Variants in SLC6A17 observed in about 807,000 individuals in gnomAD.
The protein encoded by SLC6A17 is sodium-dependent neutral amino acid transporter SLC6A17.
A neutral mutation model predicts 64.5 loss-of-function variants in SLC6A17; 21 were observed. The ratio of observed to expected loss-of-function variants is 0.33; its 90% CI spans 0.23 to 0.47. The LOEUF (loss-of-function observed/expected upper bound fraction) is 0.47, where lower values mean the gene tolerates loss of function less well. SLC6A17 is among the 20% of genes least tolerant of loss of function. The pLI, the probability that SLC6A17 is intolerant of heterozygous loss-of-function variation, is 1.00. For missense variants in SLC6A17, 682 were observed against 963.2 expected, an observed-to-expected ratio of 0.71 and a Z score of 3.86; for synonymous variants, 372 against 399.5, an observed-to-expected ratio of 0.93 and a Z score of 0.82.
chr1:110,176,996 G>T (rs1656393940), intron 6 of SLC6A17, among the ~76,000 whole-genome samples: 1 of 152,202 alleles, frequency 6.6e-6, no homozygotes, highest in Non-Finnish European at 1.5e-5. Context: ...GAGCCTTAGG[G>T]AGCAGGTAGG....
chr1:110,196,079 C>T (rs940496690), intron 10 of SLC6A17, among the ~76,000 whole-genome samples: 13 of 152,266 alleles, frequency 8.5e-5, no homozygotes, highest in East Asian at 3.9e-4. Context: ...CCTCCAAGAA[C>T]GTGTAGACTT....
chr1:110,168,897 A>G (rs529814853), intron 2 of SLC6A17, among the ~76,000 whole-genome samples: 1 of 152,330 alleles, frequency 6.6e-6, no homozygotes, highest in East Asian at 1.9e-4. Flanking sequence ...ACTACCCTAG[A>G]GGAAAAGCAT....
In SLC6A17 at chr1:110,200,757, T is replaced by C. The variant is rs1657104218; in HGVS notation, c.*2313T>C. On this transcript the variant is annotated 3_prime_UTR_variant, in exon 12 of 12. Coordinates refer to ENST00000331565, the MANE Select transcript of SLC6A17 (RefSeq NM_001010898.4). ...CTGTGTCTTCGCTGTGTGTTAGACGTAGGGCCTAGAGCTCGGGGTGTGTGT... is the reference window on the plus strand; with the variant it reads ...CTGTGTCTTCGCTGTGTGTTAGACGCAGGGCCTAGAGCTCGGGGTGTGTGT... The C allele has an allele frequency of 6.6e-6, 1 of 152,618 alleles. No homozygotes were observed. The highest frequency in any genetic ancestry group is 2.1e-4 in the South Asian group (1 of 4,844). The allele number at this position is 152,618 out of a possible 1,614,324, so 9.5% of individuals were successfully genotyped here. A position where few individuals can be genotyped will look rare whatever the true frequency, so the allele number is the denominator to read the frequency against.
intron 1 of SLC6A17, among the ~76,000 whole-genome samples, chr1:110,152,067 A>C (rs576114189): frequency 6.6e-6 from 1 of 152,286 alleles, no homozygotes; most frequent in Admixed American, 6.5e-5. Flanking sequence ...ACGCTCACTG[A>C]TGTCTGGAGA....
chr1:110,198,554 A>G lies in SLC6A17; in HGVS notation c.*110A>G. 6.7e-7 allele frequency: 1 copy of G among 1,496,990 alleles called. No individual in the cohort carries two copies. Among genetic ancestry groups the G allele is most frequent in the South Asian group, 1.3e-5 (1 of 74,332 alleles). The allele number at this position is 1,496,990 out of a possible 1,614,324, so 92.7% of individuals were successfully genotyped here. On this transcript the variant is annotated 3_prime_UTR_variant, in exon 12 of 12. Transcript: ENST00000331565. ...CAGGCCCAGGCCAGGCCCTTTGCCC[A>G]AGAAGAGAGGGTCTGCCCTGCCTCA... is the stretch of plus-strand genomic sequence containing the variant.
intron 8 of SLC6A17, among the ~76,000 whole-genome samples, chr1:110,193,786 A>T (rs1168344677): frequency 1.3e-5 from 2 of 152,242 alleles, no homozygotes; most frequent in African/African-American, 4.8e-5. Context: ...CTCAGTTCTC[A>T]TGGGCATGGC....
In SLC6A17 at chr1:110,184,492, C is replaced by T. The variant is rs555637520; in HGVS notation, c.865-7480C>T. 2.6e-5 allele frequency among the ~76,000 whole-genome samples: 4 copies of T among 152,322 alleles called. No individual in the cohort carries two copies. In the South Asian group the frequency reaches 8.3e-4, roughly 32 times the overall value. ...TGCATATATAAACCCATTTAAACCTCCTAACAACCCTGGAGAGGTCGGTAC... is the reference window on the plus strand; with the variant it reads ...TGCATATATAAACCCATTTAAACCTTCTAACAACCCTGGAGAGGTCGGTAC... On this transcript the variant is annotated intron_variant, in intron 6 of 11. Coordinates refer to ENST00000331565, the MANE Select transcript of SLC6A17 (RefSeq NM_001010898.4).
intron 6 of SLC6A17, among the ~76,000 whole-genome samples, chr1:110,191,676 T>C (rs1656826974): frequency 6.6e-6 from 1 of 152,248 alleles, no homozygotes. Context: ...TGTTCCTTAG[T>C]ATGATGGCTG....
At chr1:110,163,599 A>G (rs1332208980) in intron 1 of SLC6A17, among the ~76,000 whole-genome samples, 1 of 152,118 alleles carries the variant, frequency 6.6e-6, no homozygotes, top group African/African-American at 2.4e-5. Context: ...CGCTCACATA[A>G]TTAAAGTGCC....
chr1:110,183,129 C>T (rs1428846350), intron 6 of SLC6A17, among the ~76,000 whole-genome samples: 2 of 152,102 alleles, frequency 1.3e-5, no homozygotes, highest in African/African-American at 4.8e-5. Flanking sequence ...GGCACATATC[C>T]AAGAGAACTG....
chr1:110,187,912 T>C (rs886587261), intron 6 of SLC6A17, among the ~76,000 whole-genome samples: 3 of 152,368 alleles, frequency 2.0e-5, no homozygotes, highest in Non-Finnish European at 4.4e-5. Flanking sequence ...AGATTTCTAC[T>C]AGGCACAGTA....
Position 110,156,353 on chromosome 1 carries a change from G to A in SLC6A17, c.-88+5470G>A, listed in dbSNP as rs1178729321. On this transcript the variant is annotated intron_variant, in intron 1 of 11. Transcript: ENST00000331565. Reference sequence around the variant, plus strand: ...TGCACTGCAGAACTTCCCAACCAGTGCCACAGATGGGTAGCATGTGGCCCA... The same window carrying A: ...TGCACTGCAGAACTTCCCAACCAGTACCACAGATGGGTAGCATGTGGCCCA... Among the ~76,000 whole-genome samples the A allele has an allele frequency of 6.6e-5, 10 of 152,288 alleles. No individual in the cohort carries two copies. In the South Asian group the frequency reaches 2.1e-3, roughly 32 times the overall value.
chr1:110,189,856 A>G (rs1181485561), intron 6 of SLC6A17, among the ~76,000 whole-genome samples: 2 of 152,178 alleles, frequency 1.3e-5, no homozygotes, highest in Non-Finnish European at 2.9e-5. Flanking sequence ...TTCTTCTGGG[A>G]AGCCTTGCCT....
chr1:110,198,119 T>C lies in SLC6A17; in HGVS notation c.1859T>C (p.Leu620Pro). The change falls in exon 12 of 12, where the codon CTC becomes CCC. Residue 620 changes from leucine to proline, a missense_variant. Physicochemically the swap from Leu to Pro is moderately conservative, Grantham distance 98. This residue lies in a region of SLC6A17 where 264 missense variants were observed against 339.5 expected (regional missense o/e 0.78). Transcript: ENST00000331565. ...TATTTCCCCAACTGGGCCATGGCAC[T>C]CCTGATCACCCTCATCGTCGTGGCG... ...YLYFPNWAMA[L>P]LITLIVVATL... The C allele has an allele frequency of 6.2e-7, 1 of 1,613,982 alleles. No homozygotes were observed. The highest frequency in any genetic ancestry group is 8.5e-7 in the Non-Finnish European group (1 of 1,179,982).
intron 1 of SLC6A17, among the ~76,000 whole-genome samples, chr1:110,153,581 A>G (rs12742838): frequency 0.35 from 51,306 of 147,786 alleles, 10,778 homozygotes; most frequent in Non-Finnish European, 0.47. Context: ...TCTGTAGCCA[A>G]TGCCCTCCCC....
At chr1:110,169,968 G>A (rs540357144) in intron 2 of SLC6A17, among the ~76,000 whole-genome samples, 3 of 152,288 alleles carry the variant, frequency 2.0e-5, no homozygotes, top group Admixed American at 2.0e-4. Context: ...AGGGCCTGGC[G>A]GCCTGCCTGA....
chr1:110,165,654 C>G (rs1656028647), intron 1 of SLC6A17, among the ~76,000 whole-genome samples: 2 of 152,182 alleles, frequency 1.3e-5, no homozygotes, highest in Admixed American at 6.5e-5. Flanking sequence ...TGGGGTCAGC[C>G]AGGATGTCTG....
In SLC6A17 at chr1:110,198,531, G is replaced by C. The variant is rs1420235822; in HGVS notation, c.*87G>C. The C allele has an allele frequency of 9.9e-6, 15 of 1,520,670 alleles. No homozygotes were observed. Among genetic ancestry groups the C allele is most frequent in the Non-Finnish European group, 1.3e-5 (15 of 1,140,200 alleles). The allele number at this position is 1,520,670 out of a possible 1,614,324, so 94.2% of individuals were successfully genotyped here. A position where few individuals can be genotyped will look rare whatever the true frequency, so the allele number is the denominator to read the frequency against. On this transcript the variant is annotated 3_prime_UTR_variant, in exon 12 of 12. Coordinates refer to ENST00000331565, the MANE Select transcript of SLC6A17 (RefSeq NM_001010898.4). ...GGCCTCTTTCTTGAGGTGGCCACCA[G>C]GCCCAGGCCAGGCCCTTTGCCCAAG...
intron 1 of SLC6A17, among the ~76,000 whole-genome samples, chr1:110,154,123 A>G (rs1266977890): frequency 6.6e-6 from 1 of 152,226 alleles, no homozygotes; most frequent in Non-Finnish European, 1.5e-5. Flanking sequence ...GATAATATCC[A>G]GTTGCTTATT....
Sources: allele counts gnomAD v4.1 joint callset (sites outside exome capture counted in the v4.1 genomes callset), GRCh38; gene constraint gnomAD v4.1.1; regional missense constraint gnomAD v4.1.1; transcripts MANE v1.5; gene names NCBI Gene and HGNC (gene_info 2026-07-23, HGNC 2026-07-21).